Variants in SLC44A1 observed in about 807,000 individuals in gnomAD.
The protein encoded by SLC44A1 is choline transporter-like protein 1.
A neutral mutation model predicts 79.3 loss-of-function variants in SLC44A1; 26 were observed. That is an observed-to-expected ratio of 0.33 (90% CI 0.24 to 0.46). SLC44A1 has a LOEUF of 0.46. SLC44A1 is among the 20% of genes least tolerant of loss of function. The pLI, the probability that SLC44A1 is intolerant of heterozygous loss-of-function variation, is 1.00. For synonymous variants in SLC44A1, 263 were observed against 286.2 expected, an observed-to-expected ratio of 0.92 and a Z score of 0.82; for missense variants, 688 against 798.1, an observed-to-expected ratio of 0.86 and a Z score of 1.66.
chr9:105,390,098 C>G lies in SLC44A1; in HGVS notation c.*1042C>G, dbSNP rs1828725042. 1.6e-6 allele frequency: 2 copies of G among 1,268,718 alleles called. No homozygotes were observed. The allele number at this position is 1,268,718 out of a possible 1,614,324, so 78.6% of individuals were successfully genotyped here. The stretch of plus-strand genomic sequence containing the variant: ...CTCTCCTTGGCAATTCATTGAGTAT[C>G]CAGAGTTCTACGATGTTTAACTGAA... On this transcript the variant is annotated 3_prime_UTR_variant, in exon 16 of 16. Coordinates refer to ENST00000374720, the MANE Select transcript of SLC44A1 (RefSeq NM_080546.5).
At position 105,392,136 on chromosome 9, in the gene SLC44A1, G is replaced by C; in HGVS notation, c.*3080G>C. On this transcript the variant is annotated 3_prime_UTR_variant, in exon 16 of 16. Coordinates refer to ENST00000374720, the MANE Select transcript of SLC44A1 (RefSeq NM_080546.5). ...ATTAGCAATTTAGCTAGAGCACTGAGATTGTATAATCCTTGCATGGATGAG... is the reference window on the plus strand; with the variant it reads ...ATTAGCAATTTAGCTAGAGCACTGACATTGTATAATCCTTGCATGGATGAG... The C allele has an allele frequency of 2.0e-6, 2 of 985,418 alleles. No homozygotes were observed. The highest frequency in any genetic ancestry group is 9.4e-5 in the South Asian group (2 of 21,292). The allele number at this position is 985,418 out of a possible 1,614,324, so 61.0% of individuals were successfully genotyped here.
At chr9:105,246,829 A>G (rs1437418523) in intron 1 of SLC44A1, among the ~76,000 whole-genome samples, 2 of 152,184 alleles carry the variant, frequency 1.3e-5, no homozygotes, top group Non-Finnish European at 2.9e-5. Flanking sequence ...TAAAACCGAT[A>G]GTGGGTCTTG....
intron 1 of SLC44A1, among the ~76,000 whole-genome samples, chr9:105,260,337 T>G (rs1829810909): frequency 1.3e-5 from 2 of 152,234 alleles, no homozygotes; most frequent in Non-Finnish European, 1.5e-5. Context: ...TTTAAAATTT[T>G]TTTCACTATA....
At chr9:105,268,567 G>C (rs546354130) in intron 1 of SLC44A1, among the ~76,000 whole-genome samples, 3 of 151,840 alleles carry the variant, frequency 2.0e-5, no homozygotes, top group Admixed American at 2.0e-4. Flanking sequence ...GCAGTGGCGC[G>C]ATCTCTGCTC....
intron 5 of SLC44A1, among the ~76,000 whole-genome samples, chr9:105,351,550 A>AGAAAGAGAGAAAGAG (rs1564452429): frequency 3.6e-4 from 36 of 100,280 alleles, no homozygotes; most frequent in East Asian, 1.5e-3. Flanking sequence ...GAAAGAAAGA[A>AGAAAGAGAGAAAGAG]AGAAAGAGAG....
chr9:105,434,480 A>G (rs544911842), intron 15 of SLC44A1, among the ~76,000 whole-genome samples: 56 of 152,358 alleles, frequency 3.7e-4, no homozygotes, highest in African/African-American at 1.3e-3. Context: ...AGTAGGGCAA[A>G]AATAAGATGG....
In SLC44A1 at chr9:105,389,926, A is replaced by G. The variant is rs1352263637; in HGVS notation, c.*870A>G. ...CAGATTAAGTAATGCTGGGAGGAAT[A>G]AAGAAGGGACAGAAACATGGAACAT... is the stretch of plus-strand genomic sequence containing the variant. On this transcript the variant is annotated 3_prime_UTR_variant, in exon 16 of 16. Transcript: ENST00000374720. The G allele has an allele frequency of 5.3e-6, 8 of 1,515,450 alleles. No individual in the cohort carries two copies. Among genetic ancestry groups the G allele is most frequent in the Non-Finnish European group, 7.1e-6 (8 of 1,132,896 alleles). 93.9% of individuals were successfully genotyped at this position (1,515,450 alleles called of 1,614,324 possible).
intron 1 of SLC44A1, among the ~76,000 whole-genome samples, chr9:105,284,301 G>A (rs546142007): frequency 3.4e-5 from 5 of 147,746 alleles, no homozygotes; most frequent in African/African-American, 7.5e-5. Context: ...CTGAGCTCAA[G>A]CAATCCTCCC....
intron 4 of SLC44A1, among the ~76,000 whole-genome samples, chr9:105,342,891 G>A (rs1052189766): frequency 6.6e-6 from 1 of 151,782 alleles, no homozygotes; most frequent in Admixed American, 6.6e-5. Context: ...TGTATTCCCA[G>A]CCTACTGAGA....
At chr9:105,324,425 AT>A (rs71364084) in intron 3 of SLC44A1, among the ~76,000 whole-genome samples, 5,045 of 150,212 alleles carry the variant, frequency 0.034, 122 homozygotes, top group African/African-American at 0.071. Context: ...CAATTTTTGT[AT>A]TTTTTTTGTA....
At chr9:105,290,620 G>A (rs1479602142) in intron 1 of SLC44A1, among the ~76,000 whole-genome samples, 1 of 152,248 alleles carries the variant, frequency 6.6e-6, no homozygotes, top group East Asian at 1.9e-4. Flanking sequence ...AAGAAAGACA[G>A]TCATTGAGAA....
At chr9:105,380,975 A>G (rs1828444820) in intron 13 of SLC44A1, among the ~76,000 whole-genome samples, 1 of 152,196 alleles carries the variant, frequency 6.6e-6, no homozygotes, top group East Asian at 1.9e-4. Context: ...AATAACTACT[A>G]CATTTTTTTG....
At chr9:105,307,768 G>A (rs942028850) in intron 2 of SLC44A1, among the ~76,000 whole-genome samples, 2 of 152,106 alleles carry the variant, frequency 1.3e-5, no homozygotes, top group African/African-American at 4.8e-5. Context: ...GCTTAAAATG[G>A]TATGCTGATT....
intron 1 of SLC44A1, among the ~76,000 whole-genome samples, chr9:105,287,506 T>A (rs1830505197): frequency 6.6e-6 from 1 of 152,200 alleles, no homozygotes; most frequent in African/African-American, 2.4e-5. Context: ...ATGTTTGAGA[T>A]GAATATTTGT....
In SLC44A1 at chr9:105,244,717, C is replaced by G. The variant is rs917815609; in HGVS notation, c.-152C>G. The G allele has an allele frequency of 1.8e-5, 6 of 336,450 alleles. No individual in the cohort carries two copies. The highest frequency in any genetic ancestry group is 1.1e-4 in the African/African-American group (5 of 45,470). The allele number at this position is 336,450 out of a possible 1,614,324, so 20.8% of individuals were successfully genotyped here. On this transcript the variant is annotated 5_prime_UTR_variant, in exon 1 of 16. Transcript: ENST00000374720. The stretch of plus-strand genomic sequence containing the variant: ...GCGCCTGCCTCTAGCCGCGCCGCCT[C>G]TTGAGTACCAGCCGCCGCTGCAGCC...
At chr9:105,254,999 T>TA (rs1248491393) in intron 1 of SLC44A1, among the ~76,000 whole-genome samples, 2 of 152,082 alleles carry the variant, frequency 1.3e-5, no homozygotes, top group Non-Finnish European at 2.9e-5. Flanking sequence ...CTCCAGCTGA[T>TA]ACACTTAAGG....
chr9:105,425,639 A>G (rs575990312), intron 15 of SLC44A1, among the ~76,000 whole-genome samples: 2 of 152,286 alleles, frequency 1.3e-5, no homozygotes, highest in African/African-American at 4.8e-5. Flanking sequence ...CCTGGCCAAC[A>G]TGGTGAAACC....
At chr9:105,387,060 A>AATAT (rs1554688950) in intron 15 of SLC44A1, among the ~76,000 whole-genome samples, 2 of 7,714 alleles carry the variant, frequency 2.6e-4, no homozygotes, top group African/African-American at 4.1e-4. Context: ...AAAAAAAAAA[A>AATAT]ATATATATAT....
At chr9:105,323,528 T>C (rs1446242932) in intron 3 of SLC44A1, among the ~76,000 whole-genome samples, 3 of 152,204 alleles carry the variant, frequency 2.0e-5, no homozygotes, top group African/African-American at 7.2e-5. Flanking sequence ...TCATAAATCA[T>C]GTATACTCCT....
Sources: gnomAD v4.1 joint callset for allele counts (sites outside exome capture counted in the v4.1 genomes callset) on GRCh38, gnomAD v4.1.1 for gene constraint, MANE v1.5 for transcripts, NCBI Gene and HGNC (gene_info 2026-07-23, HGNC 2026-07-21) for gene names.